The following GRID2 variants were observed in gnomAD, a reference collection of about 807,000 sequenced individuals.
GRID2 encodes glutamate ionotropic receptor delta type subunit 2.
Under a neutral mutation model 114.8 loss-of-function variants are expected in GRID2, and 33 were observed. That is an observed-to-expected ratio of 0.29 (90% CI 0.22 to 0.38). GRID2 has a LOEUF of 0.38. Ranked by LOEUF, GRID2 falls within the 10% of genes least tolerant of loss-of-function variation. The probability of loss-of-function intolerance (pLI) is 1.00; values close to 1 mark genes in which losing one functional copy is unlikely to be tolerated. For synonymous variants in GRID2, 505 were observed against 449.9 expected, an observed-to-expected ratio of 1.12 and a Z score of -1.55; for missense variants, 1,184 against 1,257.7, an observed-to-expected ratio of 0.94 and a Z score of 0.89.
chr4:92,582,247 G>A (rs181786684), intron 1 of GRID2, among the ~76,000 whole-genome samples: 36 of 151,160 alleles, frequency 2.4e-4, no homozygotes, highest in South Asian at 1.0e-3. Context: ...AGGATTATTC[G>A]TCACTAAAGT....
chr4:92,341,656 C>T (rs1197709828), intron 1 of GRID2, among the ~76,000 whole-genome samples: 2 of 152,032 alleles, frequency 1.3e-5, no homozygotes, highest in African/African-American at 2.4e-5. Flanking sequence ...CGTGGTGGCT[C>T]ACGTCTGTAA....
rs181004785 is a variant in GRID2, at chr4:92,382,037, A to T, written c.88+77293A>T. Among the ~76,000 whole-genome samples, 368 of 152,072 alleles carry T rather than the reference A, an allele frequency of 2.4e-3. 1 individual carries two copies. The highest frequency in any genetic ancestry group is 8.5e-3 in the African/African-American group (354 of 41,520). On this transcript the variant is annotated intron_variant, in intron 1 of 15. Coordinates refer to ENST00000282020, the MANE Select transcript of GRID2 (RefSeq NM_001510.4). ...ATTTCTGGCTCTGTGTAATTGCTGT[A>T]TGTCAGTGAGCATTCCATTAGTATT...
chr4:92,414,112 G>A (rs530307760), intron 1 of GRID2, among the ~76,000 whole-genome samples: 2 of 152,294 alleles, frequency 1.3e-5, no homozygotes, highest in African/African-American at 2.4e-5. Context: ...TCATAAGTAA[G>A]TTTGTAGACT....
intron 2 of GRID2, among the ~76,000 whole-genome samples, chr4:92,751,435 T>C (rs1194097228): frequency 6.6e-6 from 1 of 152,156 alleles, no homozygotes; most frequent in Admixed American, 6.5e-5. Flanking sequence ...AAATAATTTA[T>C]TGACTTTTAA....
intron 13 of GRID2, among the ~76,000 whole-genome samples, chr4:93,604,582 C>T (rs771743415): frequency 6.6e-6 from 1 of 152,164 alleles, no homozygotes; most frequent in African/African-American, 2.4e-5. Flanking sequence ...GAAAGTTCTA[C>T]TCTGGGTAAA....
intron 14 of GRID2, among the ~76,000 whole-genome samples, chr4:93,653,940 A>T (rs923357006): frequency 3.9e-5 from 6 of 152,130 alleles, no homozygotes; most frequent in Non-Finnish European, 8.8e-5. Flanking sequence ...TATTAGAAGG[A>T]TTTATTTTTA....
chr4:92,611,018 C>CTCTG (rs1553907100), intron 2 of GRID2, among the ~76,000 whole-genome samples: 1 of 146,594 alleles, frequency 6.8e-6, no homozygotes, highest in Non-Finnish European at 1.5e-5. Context: ...ATTGAATAGT[C>CTCTG]TGTGTGTGTG....
At chr4:92,436,136 G>A (rs534869223) in intron 1 of GRID2, among the ~76,000 whole-genome samples, 49 of 152,214 alleles carry the variant, frequency 3.2e-4, no homozygotes, top group African/African-American at 1.1e-3. Context: ...AAAGTGTACC[G>A]CAAAATTATT....
At chr4:92,320,379 G>A (rs768301849) in intron 1 of GRID2, among the ~76,000 whole-genome samples, 20 of 152,002 alleles carry the variant, frequency 1.3e-4, no homozygotes, top group Admixed American at 5.2e-4. Context: ...CTTATGTTCA[G>A]AAAATACTAA....
chr4:92,428,576 T>G (rs1357651109), intron 1 of GRID2, among the ~76,000 whole-genome samples: 1 of 152,114 alleles, frequency 6.6e-6, no homozygotes, highest in Non-Finnish European at 1.5e-5. Context: ...TAATTTTCTT[T>G]TTATTGAACA....
chr4:93,056,138 T>C (rs1394421619), intron 2 of GRID2, among the ~76,000 whole-genome samples: 1 of 151,942 alleles, frequency 6.6e-6, no homozygotes, highest in Non-Finnish European at 1.5e-5. Flanking sequence ...TATGGACTGT[T>C]ATGCAAACTG....
intron 2 of GRID2, among the ~76,000 whole-genome samples, chr4:92,829,599 G>A (rs1560620903): frequency 6.6e-6 from 1 of 152,050 alleles, no homozygotes; most frequent in Non-Finnish European, 1.5e-5. Flanking sequence ...ATACCCAAAG[G>A]ATTATAAATC....
intron 1 of GRID2, among the ~76,000 whole-genome samples, chr4:92,509,705 C>G (rs938775730): frequency 1.3e-5 from 2 of 151,834 alleles, no homozygotes; most frequent in South Asian, 4.1e-4. Context: ...TTGGTTAATA[C>G]CTTTATGAAA....
chr4:92,410,992 TA>T (rs1292215703), intron 1 of GRID2, among the ~76,000 whole-genome samples: 5 of 151,966 alleles, frequency 3.3e-5, no homozygotes, highest in Admixed American at 6.6e-5. Flanking sequence ...ACAGCAACAA[TA>T]AAAGCAGCCA....
intron 14 of GRID2, among the ~76,000 whole-genome samples, chr4:93,753,929 A>T (rs1732539447): frequency 6.6e-6 from 1 of 152,146 alleles, no homozygotes; most frequent in Non-Finnish European, 1.5e-5. Context: ...AGTGATGGGG[A>T]TACATTCTGA....
chr4:92,930,000 T>C (rs1378978755), intron 2 of GRID2, among the ~76,000 whole-genome samples: 1 of 151,288 alleles, frequency 6.6e-6, no homozygotes, highest in Non-Finnish European at 1.5e-5. Flanking sequence ...CTGGTGAAAA[T>C]ATGGGAAACT....
chr4:92,922,594 A>G (rs61016817), intron 2 of GRID2, among the ~76,000 whole-genome samples: 21,245 of 152,196 alleles, frequency 0.14, 2,001 homozygotes, highest in African/African-American at 0.26. Flanking sequence ...TTACAAAAAC[A>G]TAAGAATATT....
At chr4:92,719,493 G>A (rs574972976) in intron 2 of GRID2, among the ~76,000 whole-genome samples, 1 of 152,182 alleles carries the variant, frequency 6.6e-6, no homozygotes, top group South Asian at 2.1e-4. Context: ...GGTACATTAT[G>A]TTTAGACCAA....
intron 10 of GRID2, among the ~76,000 whole-genome samples, chr4:93,423,501 C>T (rs1005403056): frequency 5.3e-5 from 8 of 151,550 alleles, no homozygotes; most frequent in Admixed American, 1.3e-4. Flanking sequence ...CGCCCGCCCC[C>T]ACGCCCAGCT....
Sources: allele counts gnomAD v4.1 joint callset (sites outside exome capture counted in the v4.1 genomes callset), GRCh38; gene constraint gnomAD v4.1.1; transcripts MANE v1.5; gene names NCBI Gene and HGNC (gene_info 2026-07-23, HGNC 2026-07-21).